AGPS: variants seen among roughly 807,000 people sequenced by gnomAD.
The protein encoded by AGPS is alkylglycerone phosphate synthase.
In AGPS, 26 loss-of-function variants were observed where a neutral mutation model predicts 90.7. That is an observed-to-expected ratio of 0.29 (90% CI 0.21 to 0.40). The LOEUF (loss-of-function observed/expected upper bound fraction) is 0.40, where lower values mean the gene tolerates loss of function less well. AGPS is among the 10% of genes least tolerant of loss of function. The probability of loss-of-function intolerance (pLI) is 1.00; values close to 1 mark genes in which losing one functional copy is unlikely to be tolerated. For synonymous variants in AGPS, 294 were observed against 285.3 expected, an observed-to-expected ratio of 1.03 and a Z score of -0.31; for missense variants, 540 against 816.1, an observed-to-expected ratio of 0.66 and a Z score of 4.12.
chr2:177,452,784 T>A (rs1039229157), intron 8 of AGPS, among the ~76,000 whole-genome samples: 4 of 152,160 alleles, frequency 2.6e-5, no homozygotes, highest in Admixed American at 6.5e-5. Flanking sequence ...GATTTTTTTT[T>A]AAATGATATG....
intron 2 of AGPS, among the ~76,000 whole-genome samples, chr2:177,427,057 G>A (rs1019483065): frequency 1.4e-4 from 21 of 152,062 alleles, no homozygotes; most frequent in African/African-American, 4.8e-4. Context: ...GTCTATTCAG[G>A]GATTCAGGTT....
At chr2:177,526,144 C>A (rs1486407537) in intron 19 of AGPS, among the ~76,000 whole-genome samples, 2 of 149,664 alleles carry the variant, frequency 1.3e-5, no homozygotes, top group Non-Finnish European at 3.0e-5. Flanking sequence ...AGTTAATTAA[C>A]AAATAGTTAG....
rs188277334 is a variant in AGPS, at chr2:177,407,725, G to A, written c.261-12544G>A. Among the ~76,000 whole-genome samples the A allele has an allele frequency of 1.9e-3, 283 of 151,898 alleles. 1 individual carries two copies. Among genetic ancestry groups the A allele is most frequent in the Non-Finnish European group, 3.5e-3 (235 of 67,978 alleles). ...CAAACTATATTGGTTTCTGAAGATG[G>A]AAGCACAGCAAGAAGTAGGAGGTAC... On this transcript the variant is annotated intron_variant, in intron 1 of 19. Coordinates refer to ENST00000264167, the MANE Select transcript of AGPS (RefSeq NM_003659.4).
At chr2:177,481,742 ATTTTT>A (rs1238275362) in intron 10 of AGPS, among the ~76,000 whole-genome samples, 2 of 151,944 alleles carry the variant, frequency 1.3e-5, no homozygotes, top group Non-Finnish European at 2.9e-5. Flanking sequence ...TTGTTTTTCA[ATTTTT>A]TTATTTTAAT....
intron 15 of AGPS, 88 bp downstream of exon 15, chr2:177,505,663 A>G: frequency 5.8e-6 from 7 of 1,198,506 alleles, no homozygotes; most frequent in Non-Finnish European, 8.6e-6. Flanking sequence ...TGTCTTCCCT[A>G]TTTTTTAAAA....
chr2:177,483,418 A>T (rs1039568101), intron 11 of AGPS, among the ~76,000 whole-genome samples: 2 of 152,112 alleles, frequency 1.3e-5, no homozygotes, highest in African/African-American at 2.4e-5. Context: ...TCACCAGCTG[A>T]TGTGGTAATT....
At chr2:177,396,815 A>G (rs923897337) in intron 1 of AGPS, among the ~76,000 whole-genome samples, 3 of 152,216 alleles carry the variant, frequency 2.0e-5, no homozygotes, top group Non-Finnish European at 4.4e-5. Context: ...AGACTGAATG[A>G]CAATAGAAAA....
At chr2:177,426,922 G>A (rs1215745348) in intron 2 of AGPS, among the ~76,000 whole-genome samples, 2 of 152,102 alleles carry the variant, frequency 1.3e-5, no homozygotes, top group East Asian at 1.9e-4. Context: ...TTTCAATTTA[G>A]TTTCAGTAGA....
rs763857984 is a variant in AGPS at position 177,494,170 on chromosome 2, A to G, written c.1285+971A>G. Among the ~76,000 whole-genome samples the G allele has an allele frequency of 9.2e-5, 14 of 152,336 alleles. No homozygotes were observed. In the South Asian group the frequency reaches 1.4e-3, roughly 16 times the overall value. On this transcript the variant is annotated intron_variant, in intron 12 of 19. Transcript: ENST00000264167. ...CGTTCAGTAATAAATACTAAAGGCA[A>G]AGATAGGCAGGCTTTTGTCATGTCT...
At chr2:177,427,726 T>C (rs1686122670) in intron 2 of AGPS, among the ~76,000 whole-genome samples, 1 of 152,172 alleles carries the variant, frequency 6.6e-6, no homozygotes, top group Admixed American at 6.5e-5. Context: ...ATTTTGCATT[T>C]GCTGGGGGGT....
chr2:177,520,835 A>G (rs1574029874), intron 17 of AGPS, among the ~76,000 whole-genome samples: 1 of 152,042 alleles, frequency 6.6e-6, no homozygotes, highest in East Asian at 1.9e-4. Flanking sequence ...ACCTGACTAT[A>G]TATATATTGT....
intron 1 of AGPS, among the ~76,000 whole-genome samples, chr2:177,414,173 A>G (rs1363031487): frequency 6.6e-6 from 1 of 151,978 alleles, no homozygotes; most frequent in African/African-American, 2.4e-5. Flanking sequence ...TTTGGGACGC[A>G]GTTTTTGAGC....
intron 2 of AGPS, among the ~76,000 whole-genome samples, chr2:177,429,147 T>G (rs949227446): frequency 2.0e-5 from 3 of 152,222 alleles, no homozygotes; most frequent in African/African-American, 7.2e-5. Flanking sequence ...TGTTGTGTTT[T>G]TCAGCTGCAT....
At position 177,436,967 on chromosome 2, in the gene AGPS, A is replaced by G; in HGVS notation, c.563-13A>G. ...CTGTTTTTGTGTTTTTCTTTTTTTT[A>G]ACCACAAAACAGGTCATTGTCTTCA... is the stretch of plus-strand genomic sequence containing the variant. On this transcript the variant is annotated splice_polypyrimidine_tract_variant and intron_variant, in intron 4 of 19. Transcript: ENST00000264167. The G allele has an allele frequency of 6.2e-7, 1 of 1,612,820 alleles. No individual in the cohort carries two copies. Among genetic ancestry groups the G allele is most frequent in the South Asian group, 1.1e-5 (1 of 90,826 alleles).
At chr2:177,518,456 A>C (rs545160451) in intron 17 of AGPS, among the ~76,000 whole-genome samples, 65 of 152,204 alleles carry the variant, frequency 4.3e-4, no homozygotes, top group Admixed American at 9.8e-4. Context: ...AAAAACCCAA[A>C]AACCTTATGG....
intron 17 of AGPS, among the ~76,000 whole-genome samples, chr2:177,519,488 G>A (rs1010637359): frequency 1.3e-5 from 2 of 152,054 alleles, no homozygotes; most frequent in Admixed American, 1.3e-4. Flanking sequence ...TTTAGACTAT[G>A]TCATATTTTG....
At chr2:177,513,688 G>C (rs1461238764) in intron 16 of AGPS, 131 bp from the exon 17 acceptor site, 1 of 690,742 alleles carries the variant, frequency 1.4e-6, no homozygotes, top group Admixed American at 2.6e-5. Context: ...TTCCATTCTT[G>C]AAAGGACAAC....
At chr2:177,484,503 C>T (rs1266769767) in intron 11 of AGPS, among the ~76,000 whole-genome samples, 2 of 151,926 alleles carry the variant, frequency 1.3e-5, no homozygotes, top group Admixed American at 1.3e-4. Flanking sequence ...ACCACCAAGC[C>T]CAGCAGATTT....
intron 5 of AGPS, among the ~76,000 whole-genome samples, chr2:177,438,627 G>T (rs578190981): frequency 6.6e-6 from 1 of 152,140 alleles, no homozygotes; most frequent in East Asian, 1.9e-4. Flanking sequence ...AGCCATAAGG[G>T]TTTTCATGCC....
Sources: gnomAD v4.1 joint callset for allele counts (sites outside exome capture counted in the v4.1 genomes callset) on GRCh38, gnomAD v4.1.1 for gene constraint, MANE v1.5 for transcripts, NCBI Gene and HGNC (gene_info 2026-07-23, HGNC 2026-07-21) for gene names.